The following CTU2 variants were observed in gnomAD, a reference collection of about 807,000 sequenced individuals.
CTU2 encodes cytosolic thiouridylase subunit 2.
In CTU2, 80 loss-of-function variants were observed where a neutral mutation model predicts 64.1. The observed-to-expected ratio is 1.25, with a 90% confidence interval of 1.04 to 1.50. CTU2 has a LOEUF of 1.50. Ranked by LOEUF, CTU2 falls within the 40% of genes most tolerant of loss-of-function variation. The probability of loss-of-function intolerance (pLI) is 0.00; values close to 1 mark genes in which losing one functional copy is unlikely to be tolerated. For synonymous variants in CTU2, 482 were observed against 285.3 expected (o/e 1.69, Z -6.95); for missense variants, 1,110 against 690.2 (o/e 1.61, Z -6.81).
rs772943605 is a variant in CTU2, at chr16:88,709,897, C to T, written c.144-41C>T. The T allele has an allele frequency of 2.9e-5, 45 of 1,560,828 alleles. No individual in the cohort carries two copies. In the Middle Eastern group the frequency reaches 6.7e-4, roughly 23 times the overall value. The stretch of plus-strand genomic sequence containing the variant: ...GCGCCTCAGGACGCTGCTCACTGTG[C>T]GGGTAGCAGGCGGTTCCCTCATCTC... On this transcript the variant is annotated intron_variant, in intron 2 of 14. Coordinates refer to ENST00000453996, the MANE Select transcript of CTU2 (RefSeq NM_001012759.3).
Position 88,712,353 on chromosome 16 carries a change from G to A in CTU2, c.423G>A (p.Gly141=). Residue 141 remains glycine (G), a synonymous_variant, in exon 6 of 15, where the codon GGG becomes GGA. Transcript: ENST00000453996. ...TGAAGCCCATTCTGCAAGCAACTGG[G>A]TTCCCATGGCATGTGGTGGCCTTAG... The part of the protein sequence containing the change: ...AEVKPILQAT[G]FPWHVVALEE... The A allele has an allele frequency of 6.2e-7, 1 of 1,610,316 alleles. No homozygotes were observed. The highest frequency in any genetic ancestry group is 8.5e-7 in the Non-Finnish European group (1 of 1,178,238).
At chr16:88,707,777 C>G (rs1188465174) in intron 2 of CTU2, among the ~76,000 whole-genome samples, 1 of 149,634 alleles carries the variant, frequency 6.7e-6, no homozygotes, top group South Asian at 2.1e-4. Flanking sequence ...TCTTAATTCC[C>G]AGTGGTGGTG....
In CTU2 at chr16:88,712,915, C is replaced by T. The variant is rs12148926; in HGVS notation, c.737+10C>T. On this transcript the variant is annotated intron_variant, in intron 7 of 14. Transcript: ENST00000453996. ...TTCTGCAGACCCTGCGGTGAGGCCC[C>T]GAGAGCCCCCCTTCCCCGGGCCCTG... 0.08 allele frequency: 78,212 copies of T among 977,030 alleles called. 5,558 individuals are homozygous for T. Among genetic ancestry groups the T allele is most frequent in the African/African-American group, 0.22 (9,522 of 44,210 alleles). The allele number at this position is 977,030 out of a possible 1,614,324, so 60.5% of individuals were successfully genotyped here. A position where few individuals can be genotyped will look rare whatever the true frequency, so the allele number is the denominator to read the frequency against.
At chr16:88,713,810 C>G in intron 9 of CTU2, 32 bp downstream of exon 9, 5 of 1,611,160 alleles carry the variant, frequency 3.1e-6, no homozygotes, top group Non-Finnish European at 4.2e-6. Context: ...ACCTCTCTCA[C>G]CATTGACACC....
chr16:88,714,404 G>A lies in CTU2; in HGVS notation c.1119G>A (p.Lys373=), dbSNP rs954570510. 9 of 1,612,546 alleles carry A rather than the reference G, an allele frequency of 5.6e-6. No homozygotes were observed. The highest frequency in any genetic ancestry group is 1.3e-5 in the African/African-American group (1 of 75,054). The change falls in exon 11 of 15, where the codon AAG becomes AAA. Residue 373 remains lysine, a synonymous_variant. Coordinates refer to ENST00000453996, the MANE Select transcript of CTU2 (RefSeq NM_001012759.3). ...TVYRTSEKLV[K]GPRDGPAAGD... The stretch of plus-strand genomic sequence containing the variant: ...ACAGGACAAGTGAGAAGCTGGTGAA[G>A]GGCCCCCGGGATGGCCCTGCTGCTG...
At chr16:88,707,063 C>G (rs1450529155) in intron 1 of CTU2, 73 bp from the exon 2 acceptor site, 3 of 1,467,216 alleles carry the variant, frequency 2.0e-6, no homozygotes, top group Non-Finnish European at 2.9e-6. Flanking sequence ...CAGGAGCTGT[C>G]TCCCCAAAGC....
chr16:88,711,357 C>T (rs1053223987), intron 4 of CTU2, among the ~76,000 whole-genome samples: 4 of 152,060 alleles, frequency 2.6e-5, no homozygotes, highest in African/African-American at 7.3e-5. Context: ...TCTCCTGGGG[C>T]GTTGTTGGGA....
chr16:88,707,778 A>T (rs943158970), intron 2 of CTU2, among the ~76,000 whole-genome samples: 1 of 148,568 alleles, frequency 6.7e-6, no homozygotes, highest in Admixed American at 6.8e-5. Flanking sequence ...CTTAATTCCC[A>T]GTGGTGGTGC....
chr16:88,712,780 C>G lies in CTU2; in HGVS notation c.612C>G (p.Pro204=), dbSNP rs150639758. 35 of 1,607,936 alleles carry G rather than the reference C, an allele frequency of 2.2e-5. No individual in the cohort carries two copies. Among genetic ancestry groups the G allele is most frequent in the Non-Finnish European group, 2.9e-5 (34 of 1,177,922 alleles). ...PGPTQGEEQP[P]QPPLDPQNLA... The stretch of plus-strand genomic sequence containing the variant: ...CGACTCAAGGGGAGGAACAGCCACC[C>G]CAGCCCCCGCTGGACCCCCAGAACC... Residue 204 remains proline, a synonymous_variant, in exon 7 of 15, where the codon CCC becomes CCG. Transcript: ENST00000453996.
At position 88,712,754 on chromosome 16, in the gene CTU2, C is replaced by A. The variant is rs890314445; in HGVS notation, c.586C>A (p.Pro196Thr). 10 of 1,608,636 alleles carry A rather than the reference C, an allele frequency of 6.2e-6. No individual in the cohort carries two copies. The highest frequency in any genetic ancestry group is 8.5e-6 in the Non-Finnish European group (10 of 1,178,368). Residue 196 changes from proline (P) to threonine (T), a missense_variant, in exon 7 of 15, where the codon CCG becomes ACG. Coordinates refer to ENST00000453996, the MANE Select transcript of CTU2 (RefSeq NM_001012759.3). ...HVLGAGGGPG[P>T]TQGEEQPPQP... ...GCTGGGGGCCGGGGGTGGTCCTGGC[C>A]CGACTCAAGGGGAGGAACAGCCACC...
Position 88,715,304 on chromosome 16 carries a change from A to G in CTU2, c.*53A>G, listed in dbSNP as rs917705664. ...AGGCAGTGGCCACCTGGTACACCACACTGGAGCCGGAAGGCAAGGACGGGG... is the reference window on the plus strand; with the variant it reads ...AGGCAGTGGCCACCTGGTACACCACGCTGGAGCCGGAAGGCAAGGACGGGG... On this transcript the variant is annotated 3_prime_UTR_variant, in exon 15 of 15. Transcript: ENST00000453996. 1.9e-6 allele frequency: 3 copies of G among 1,577,268 alleles called. No homozygotes were observed. Among genetic ancestry groups the G allele is most frequent in the Admixed American group, 1.7e-5 (1 of 57,396 alleles).
intron 5 of CTU2, 88 bp downstream of exon 5, chr16:88,711,783 G>A (rs1911342902): frequency 2.4e-6 from 3 of 1,272,226 alleles, no homozygotes; most frequent in South Asian, 1.4e-5. Flanking sequence ...TCCCTCTGGT[G>A]CCGGTCCTCC....
At chr16:88,707,814 T>TGTTG (rs149274001) in intron 2 of CTU2, among the ~76,000 whole-genome samples, 1 of 149,628 alleles carries the variant, frequency 6.7e-6, no homozygotes, top group African/African-American at 2.5e-5. Context: ...TTGTTGTTGT[T>TGTTG]TTTTTTGAGA....
In CTU2 at chr16:88,710,334, G is replaced by A. The variant is rs764866819; in HGVS notation, c.282+52G>A. 5 of 1,595,106 alleles carry A rather than the reference G, an allele frequency of 3.1e-6. No individual in the cohort carries two copies. The East Asian group carries it at 1.1e-4, about 36-fold the overall frequency. On this transcript the variant is annotated intron_variant, in intron 4 of 14. Transcript: ENST00000453996. ...GGGCTGCTGGGCTGAGCTTCAGGCT[G>A]GGGGCCTCCCTTCTCAGCCTGCTGA...
intron 12 of CTU2, 51 bp downstream of exon 12, chr16:88,714,788 GA>G (rs985724914): frequency 6.2e-7 from 1 of 1,608,396 alleles, no homozygotes; most frequent in African/African-American, 1.3e-5. Flanking sequence ...GCGGGAGGGG[GA>G]CCTGTCCTTA....
rs763230609 is a variant in CTU2, at chr16:88,712,804, C to A, written c.636C>A (p.Asn212Lys). ...QPPQPPLDPQ[N>K]LARPPAPAQT... The stretch of plus-strand genomic sequence containing the variant: ...CCCAGCCCCCGCTGGACCCCCAGAA[C>A]CTGGCAAGACCGCCTGCCCCTGCCC... The change falls in exon 7 of 15, where the codon AAC (asparagine) becomes AAA (lysine). Residue 212 changes from asparagine (N) to lysine (K), a missense_variant. Asn to Lys is a moderately conservative substitution (Grantham distance 94). Coordinates refer to ENST00000453996, the MANE Select transcript of CTU2 (RefSeq NM_001012759.3). The A allele has an allele frequency of 3.7e-6, 6 of 1,606,702 alleles. No homozygotes were observed. The highest frequency in any genetic ancestry group is 5.1e-6 in the Non-Finnish European group (6 of 1,177,244).
In CTU2 at chr16:88,714,693, A is replaced by C. The variant is rs1420028007; in HGVS notation, c.1308A>C (p.Pro436=). ...CACCCCCGGGGCCCTGCTGTTCTCC[A>C]GGGGTGGGCTGGGCCCAGCGCTGTG... is the stretch of plus-strand genomic sequence containing the variant. ...TRTPPGPCCS[P]GVGWAQRCGQ... Residue 436 remains proline, a synonymous_variant, in exon 12 of 15, where the codon CCA becomes CCC. Coordinates refer to ENST00000453996, the MANE Select transcript of CTU2 (RefSeq NM_001012759.3). 2.5e-6 allele frequency: 4 copies of C among 1,611,742 alleles called. No homozygotes were observed. The highest frequency in any genetic ancestry group is 2.5e-6 in the Non-Finnish European group (3 of 1,179,478).
chr16:88,711,913 C>G, intron 5 of CTU2: 1 of 604,474 alleles, frequency 1.7e-6, no homozygotes, highest in Non-Finnish European at 2.9e-6. Context: ...TTCCTGGAAT[C>G]TAAGAACATC....
Position 88,715,269 on chromosome 16 carries a change from C to G in CTU2, c.*18C>G. 1 of 1,608,650 alleles carries G rather than the reference C, an allele frequency of 6.2e-7. No homozygotes were observed. Among genetic ancestry groups the G allele is most frequent in the Non-Finnish European group, 8.5e-7 (1 of 1,179,178 alleles). ...AGAGCTGAGCGTGAGGACGTGCTTGCCGGGACAGCAGGCAGTGGCCACCTG... is the reference window on the plus strand; with the variant it reads ...AGAGCTGAGCGTGAGGACGTGCTTGGCGGGACAGCAGGCAGTGGCCACCTG... On this transcript the variant is annotated 3_prime_UTR_variant, in exon 15 of 15. Transcript: ENST00000453996.
Sources: allele counts gnomAD v4.1 joint callset (sites outside exome capture counted in the v4.1 genomes callset), GRCh38; gene constraint gnomAD v4.1.1; transcripts MANE v1.5; gene names NCBI Gene and HGNC (gene_info 2026-07-23, HGNC 2026-07-21).